Variants in ULK4 observed in about 807,000 individuals in gnomAD.
ULK4 encodes inactive serine/threonine-protein kinase ULK4.
A neutral mutation model predicts 160.6 loss-of-function variants in ULK4; 133 were observed. The observed-to-expected ratio is 0.83, with a 90% CI of 0.72 to 0.96. ULK4 has a LOEUF of 0.96. Ranked by LOEUF, ULK4 falls within the 40% of genes least tolerant of loss-of-function variation. ULK4 has a pLI of 0.00. For missense variants in ULK4, 1,580 were observed against 1,499.5 expected (o/e 1.05, Z -0.89); for synonymous variants, 534 against 539.8 (o/e 0.99, Z 0.15).
intron 34 of ULK4, among the ~76,000 whole-genome samples, chr3:41,455,289 A>T (rs565251742): frequency 6.6e-6 from 1 of 152,222 alleles, no homozygotes; most frequent in South Asian, 2.1e-4. Context: ...ATTTTGCCTT[A>T]CCTAAATATC....
At chr3:41,426,362 T>C (rs1180464036) in intron 34 of ULK4, among the ~76,000 whole-genome samples, 2 of 152,128 alleles carry the variant, frequency 1.3e-5, no homozygotes, top group Non-Finnish European at 2.9e-5. Flanking sequence ...ACTACACAGA[T>C]AGAGACAGAA....
At chr3:41,785,092 A>G (rs2039961801) in intron 21 of ULK4, among the ~76,000 whole-genome samples, 1 of 152,210 alleles carries the variant, frequency 6.6e-6, no homozygotes, top group Non-Finnish European at 1.5e-5. Context: ...ACAAATGTGT[A>G]TAACACTTGA....
chr3:41,774,553 C>T (rs1182841552), intron 21 of ULK4, among the ~76,000 whole-genome samples: 1 of 148,332 alleles, frequency 6.7e-6, no homozygotes, highest in Non-Finnish European at 1.5e-5. Context: ...GAATGGCGAT[C>T]ATTAAAAAGT....
rs1237594470 is a variant in ULK4 at position 41,706,889 on chromosome 3, G to GTA, written c.2635-1586_2635-1585dup. Among the ~76,000 whole-genome samples the GTA allele has an allele frequency of 1.2e-3, 136 of 115,672 alleles. No homozygotes were observed. In the Middle Eastern group the frequency reaches 0.013, roughly 11 times the overall value. 75.9% of individuals were successfully genotyped at this position (115,672 alleles called of 152,430 possible). On this transcript the variant is annotated intron_variant, in intron 25 of 36. Transcript: ENST00000301831. ...TGTGTGTGTGTGTGTGTGTGTGTGT[G>GTA]TATATATATATAGAGAGAGAGAGAG... is the stretch of plus-strand genomic sequence containing the variant.
intron 29 of ULK4, among the ~76,000 whole-genome samples, chr3:41,665,805 C>T (rs2035332777): frequency 6.6e-6 from 1 of 152,102 alleles, no homozygotes; most frequent in African/African-American, 2.4e-5. Context: ...TCATTAGTTC[C>T]TTTCTCCATG....
intron 32 of ULK4, among the ~76,000 whole-genome samples, chr3:41,483,653 C>T (rs1486977464): frequency 6.6e-6 from 1 of 152,194 alleles, no homozygotes; most frequent in Non-Finnish European, 1.5e-5. Context: ...GAATAATGCT[C>T]CCCCACCCCA....
intron 21 of ULK4, among the ~76,000 whole-genome samples, chr3:41,787,035 G>A (rs2125589344): frequency 6.6e-6 from 1 of 152,276 alleles, no homozygotes; most frequent in African/African-American, 2.4e-5. Context: ...AGGACCAAGA[G>A]AGGGGCAGCC....
chr3:41,431,547 C>CCTTTTTTT (rs563543377), intron 34 of ULK4, among the ~76,000 whole-genome samples: 19 of 95,864 alleles, frequency 2.0e-4, no homozygotes, highest in South Asian at 7.6e-4. Context: ...AATTCCCTCC[C>CCTTTTTTT]TTTTTTTTTT....
intron 17 of ULK4, chr3:41,882,424 G>T: frequency 1.6e-6 from 1 of 628,476 alleles, no homozygotes; most frequent in South Asian, 1.9e-5. Context: ...ATTCAGACTA[G>T]CTTTTCTTCA....
At chr3:41,347,945 T>C (rs1202049356) in intron 35 of ULK4, among the ~76,000 whole-genome samples, 1 of 152,114 alleles carries the variant, frequency 6.6e-6, no homozygotes, top group Non-Finnish European at 1.5e-5. Context: ...CAGTGGCTCA[T>C]GCCTGTAACC....
Position 41,747,908 on chromosome 3 carries a change from T to C in ULK4, c.2321+6453A>G, listed in dbSNP as rs114777817. ...TATGTTGTTTAAGTTGCCCAATCTGTCATACTCTGTTATGACAGCCTGAGC... is the reference window on the plus strand; with the variant it reads ...TATGTTGTTTAAGTTGCCCAATCTGCCATACTCTGTTATGACAGCCTGAGC... On this transcript the variant is annotated intron_variant, in intron 22 of 36. Transcript: ENST00000301831. Among the ~76,000 whole-genome samples, 363 of 152,198 alleles carry C rather than the reference T, an allele frequency of 2.4e-3. 1 individual carries two copies. Among genetic ancestry groups the C allele is most frequent in the African/African-American group, 7.8e-3 (324 of 41,510 alleles).
At chr3:41,579,719 C>T (rs2030114134) in intron 31 of ULK4, among the ~76,000 whole-genome samples, 1 of 151,980 alleles carries the variant, frequency 6.6e-6, no homozygotes, top group African/African-American at 2.4e-5. Flanking sequence ...GTCTCGATCT[C>T]CTGACCTCGT....
intron 34 of ULK4, among the ~76,000 whole-genome samples, chr3:41,448,369 T>TGAAAATGA (rs1389673379): frequency 6.6e-6 from 1 of 152,006 alleles, no homozygotes; most frequent in African/African-American, 2.4e-5. Flanking sequence ...GAGAATGAGC[T>TGAAAATGA]AAGGGAAATC....
chr3:41,939,895 G>A (rs868070864), intron 2 of ULK4, among the ~76,000 whole-genome samples: 2 of 152,150 alleles, frequency 1.3e-5, no homozygotes, highest in Non-Finnish European at 2.9e-5. Flanking sequence ...CACTCCTTAT[G>A]AGAATCTAAT....
At chr3:41,647,922 C>T (rs866850704) in intron 30 of ULK4, among the ~76,000 whole-genome samples, 21 of 152,222 alleles carry the variant, frequency 1.4e-4, no homozygotes, top group Non-Finnish European at 2.5e-4. Flanking sequence ...CCCCCAGCCT[C>T]GCTGCCGCCT....
intron 31 of ULK4, among the ~76,000 whole-genome samples, chr3:41,605,979 A>T (rs1251972233): frequency 6.6e-6 from 1 of 152,084 alleles, no homozygotes; most frequent in Non-Finnish European, 1.5e-5. Flanking sequence ...GAAACTAAGT[A>T]ACACTTCTAA....
At chr3:41,255,556 A>G (rs1167268020) in intron 35 of ULK4, among the ~76,000 whole-genome samples, 2 of 137,868 alleles carry the variant, frequency 1.5e-5, no homozygotes, top group African/African-American at 5.0e-5. Context: ...TGCTAACAGT[A>G]ACCCAAGAAA....
chr3:41,728,940 ACTGT>A (rs2037738107), intron 22 of ULK4, among the ~76,000 whole-genome samples: 1 of 152,198 alleles, frequency 6.6e-6, no homozygotes, highest in Admixed American at 6.5e-5. Context: ...GCCTATGATG[ACTGT>A]CTGATGTTAA....
intron 34 of ULK4, among the ~76,000 whole-genome samples, chr3:41,417,147 T>C (rs9872216): frequency 0.35 from 52,666 of 151,966 alleles, 9,558 homozygotes; most frequent in African/African-American, 0.42. Context: ...GAAGCATACG[T>C]TGATGCAGTG....
Sources: gnomAD v4.1 joint callset for allele counts (sites outside exome capture counted in the v4.1 genomes callset) on GRCh38, gnomAD v4.1.1 for gene constraint, MANE v1.5 for transcripts, NCBI Gene and HGNC (gene_info 2026-07-23, HGNC 2026-07-21) for gene names.